CNTNAP2: variants seen among roughly 807,000 people sequenced by gnomAD.
CNTNAP2 encodes contactin-associated protein-like 2.
Under a neutral mutation model 155.2 loss-of-function variants are expected in CNTNAP2, and 98 were observed. The observed-to-expected ratio is 0.63, with a 90% CI of 0.54 to 0.75. The LOEUF (loss-of-function observed/expected upper bound fraction) is 0.75. CNTNAP2 is among the 30% of genes least tolerant of loss of function. The pLI is 0.00. For synonymous variants in CNTNAP2, 651 were observed against 631.2 expected (o/e 1.03, Z -0.47); for missense variants, 1,727 against 1,688.1 (o/e 1.02, Z -0.40).
intron 13 of CNTNAP2, among the ~76,000 whole-genome samples, chr7:147,801,312 T>TTTG (rs1554436489): frequency 4.0e-4 from 61 of 150,830 alleles, no homozygotes; most frequent in Middle Eastern, 3.4e-3. Context: ...CTATGAAGTT[T>TTTG]TTTTTTTTTT....
intron 1 of CNTNAP2, among the ~76,000 whole-genome samples, chr7:146,248,440 T>G (rs1314281002): frequency 6.6e-6 from 1 of 152,114 alleles, no homozygotes; most frequent in Non-Finnish European, 1.5e-5. Context: ...CAGGGACGCA[T>G]CCCTGGAATG....
chr7:146,511,111 G>C (rs1236644713), intron 1 of CNTNAP2, among the ~76,000 whole-genome samples: 1 of 152,078 alleles, frequency 6.6e-6, no homozygotes, highest in Non-Finnish European at 1.5e-5. Context: ...TGTTAGCCAG[G>C]AAGGTCTTGA....
chr7:146,966,297 C>A (rs1157841843), intron 3 of CNTNAP2, among the ~76,000 whole-genome samples: 2 of 152,194 alleles, frequency 1.3e-5, no homozygotes, highest in Non-Finnish European at 2.9e-5. Context: ...GGCACAAACT[C>A]TCTGAGCCCA....
chr7:147,855,534 C>G (rs1448913851), intron 13 of CNTNAP2, among the ~76,000 whole-genome samples: 1 of 123,546 alleles, frequency 8.1e-6, no homozygotes, highest in African/African-American at 3.1e-5. Flanking sequence ...CACCTATAAT[C>G]CCAGCACTTT....
At chr7:148,219,320 G>A (rs934879609) in intron 19 of CNTNAP2, among the ~76,000 whole-genome samples, 4 of 152,070 alleles carry the variant, frequency 2.6e-5, no homozygotes, top group East Asian at 1.9e-4. Context: ...CATTGGAGCC[G>A]AAAATATGGA....
At chr7:146,844,417 T>A (rs1287747405) in intron 3 of CNTNAP2, among the ~76,000 whole-genome samples, 2 of 152,120 alleles carry the variant, frequency 1.3e-5, no homozygotes, top group Non-Finnish European at 1.5e-5. Context: ...TAAATAAAAT[T>A]GCCCAAAAAA....
chr7:147,811,733 C>T (rs111922695), intron 13 of CNTNAP2, among the ~76,000 whole-genome samples: 165 of 152,236 alleles, frequency 1.1e-3, no homozygotes, highest in African/African-American at 3.5e-3. Flanking sequence ...ACATTTTACT[C>T]GCATTCTTGA....
chr7:148,411,014 T>C (rs1321059183), intron 23 of CNTNAP2, among the ~76,000 whole-genome samples: 1 of 152,106 alleles, frequency 6.6e-6, no homozygotes, highest in Non-Finnish European at 1.5e-5. Context: ...ACAATGAAAA[T>C]AATAAAAACT....
intron 10 of CNTNAP2, among the ~76,000 whole-genome samples, chr7:147,470,445 T>A (rs750505564): frequency 6.6e-5 from 10 of 151,930 alleles, no homozygotes; most frequent in Non-Finnish European, 1.2e-4. Flanking sequence ...AATAGCGTCT[T>A]GGATTATGGT....
rs148162780 is a variant in CNTNAP2 at position 147,157,717 on chromosome 7, G to T, written c.1348+25208G>T. ...TTGTTTTGCAAGATCCTAGCCCAGT[G>T]CCTGGCACAGATATATGTGCTTAAT... On this transcript the variant is annotated intron_variant, in intron 8 of 23. Coordinates refer to ENST00000361727, the MANE Select transcript of CNTNAP2 (RefSeq NM_014141.6). Among the ~76,000 whole-genome samples the T allele has an allele frequency of 3.8e-3, 586 of 152,218 alleles. 5 individuals carry two copies. The highest frequency in any genetic ancestry group is 0.014 in the African/African-American group (561 of 41,542).
intron 1 of CNTNAP2, among the ~76,000 whole-genome samples, chr7:146,238,539 A>G (rs572968493): frequency 6.6e-6 from 1 of 152,226 alleles, no homozygotes; most frequent in Non-Finnish European, 1.5e-5. Flanking sequence ...TATATGAATG[A>G]TATTAGGTGG....
intron 13 of CNTNAP2, among the ~76,000 whole-genome samples, chr7:147,726,845 C>T (rs1320711177): frequency 6.6e-6 from 1 of 151,934 alleles, no homozygotes; most frequent in Non-Finnish European, 1.5e-5. Flanking sequence ...AGACTTGCTT[C>T]AGCCTCAAAG....
In CNTNAP2 at chr7:146,638,476, C is replaced by CTTTTTTTT. The variant is rs879600389; in HGVS notation, c.98-135780_98-135773dup. Among the ~76,000 whole-genome samples, 77 of 64,356 alleles carry CTTTTTTTT rather than the reference C, an allele frequency of 1.2e-3. 6 individuals are homozygous for CTTTTTTTT. Among genetic ancestry groups the CTTTTTTTT allele is most frequent in the East Asian group, 5.8e-3 (11 of 1,886 alleles). 42.2% of individuals were successfully genotyped at this position (64,356 alleles called of 152,430 possible). A position where few individuals can be genotyped will look rare whatever the true frequency, so the allele number is the denominator to read the frequency against. On this transcript the variant is annotated intron_variant, in intron 1 of 23. Coordinates refer to ENST00000361727, the MANE Select transcript of CNTNAP2 (RefSeq NM_014141.6). ...AACAGTTTAATACAGTCAGGTGTTT[C>CTTTTTTTT]TTTTTTTTTTTTTTTTTTTTTTCTT...
chr7:147,282,211 A>G (rs1563145105), intron 8 of CNTNAP2, among the ~76,000 whole-genome samples: 1 of 151,970 alleles, frequency 6.6e-6, no homozygotes, highest in Non-Finnish European at 1.5e-5. Flanking sequence ...AGCTAGACAC[A>G]AAGGGGACAC....
At chr7:146,760,408 C>CTTTTTTTTTTTTTTT (rs1284570579) in intron 1 of CNTNAP2, among the ~76,000 whole-genome samples, 5 of 78,866 alleles carry the variant, frequency 6.3e-5, no homozygotes, top group Non-Finnish European at 9.3e-5. Flanking sequence ...CTCCAATTTA[C>CTTTTTTTTTTTTTTT]CTTTTTTTTT....
intron 15 of CNTNAP2, chr7:148,014,283 A>G (rs934887377): frequency 7.4e-6 from 1 of 135,248 alleles, no homozygotes; most frequent in Non-Finnish European, 1.6e-5. Context: ...ACATAAAAAA[A>G]AAAAAAAAAA....
intron 13 of CNTNAP2, among the ~76,000 whole-genome samples, chr7:147,893,061 T>G (rs1457086168): frequency 2.0e-5 from 3 of 152,242 alleles, no homozygotes; most frequent in Admixed American, 2.0e-4. Flanking sequence ...CACAGGATTT[T>G]ATCTTGACTC....
chr7:148,098,678 AT>A (rs1168804304), intron 15 of CNTNAP2, among the ~76,000 whole-genome samples: 2 of 152,106 alleles, frequency 1.3e-5, no homozygotes, highest in East Asian at 1.9e-4. Flanking sequence ...CTTTAAAAAA[AT>A]TTTTTAAATT....
At chr7:147,606,580 C>G (rs7807559) in intron 12 of CNTNAP2, among the ~76,000 whole-genome samples, 101,855 of 152,060 alleles carry the variant, frequency 0.67, 34,403 homozygotes, top group African/African-American at 0.73. Context: ...TATTTATTGA[C>G]CACTAGAGTA....
Sources: gnomAD v4.1 joint callset for allele counts (sites outside exome capture counted in the v4.1 genomes callset) on GRCh38, gnomAD v4.1.1 for gene constraint, MANE v1.5 for transcripts, NCBI Gene and HGNC (gene_info 2026-07-23, HGNC 2026-07-21) for gene names.